CCDC91: variants seen among roughly 807,000 people sequenced by gnomAD.
The protein encoded by CCDC91 is coiled-coil domain containing 91.
CCDC91 carries 48 observed loss-of-function variants against 63.2 expected under a neutral mutation model. The observed-to-expected ratio is 0.76, with a 90% confidence interval of 0.60 to 0.97. CCDC91 has a LOEUF of 0.97. Among genes scored for constraint, CCDC91 ranks in the 50% least tolerant of loss-of-function variants. The pLI, the probability that CCDC91 is intolerant of heterozygous loss-of-function variation, is 0.00. For missense variants in CCDC91, 500 were observed against 494.6 expected, an observed-to-expected ratio of 1.01 and a Z score of -0.10; for synonymous variants, 167 against 165.8, an observed-to-expected ratio of 1.01 and a Z score of -0.06.
At chr12:28,237,263 CACAT>C (rs1450857634) in intron 1 of CCDC91, among the ~76,000 whole-genome samples, 34 of 151,570 alleles carry the variant, frequency 2.2e-4, no homozygotes, top group East Asian at 1.9e-4. Flanking sequence ...CACACACACA[CACAT>C]TTTTTAAAAA....
At chr12:28,203,030 T>C (rs1942581257) in intron 1 of CCDC91, among the ~76,000 whole-genome samples, 2 of 152,182 alleles carry the variant, frequency 1.3e-5, no homozygotes, top group African/African-American at 2.4e-5. Context: ...AGGTCAATAA[T>C]GACAATTTCT....
rs535810033 is a variant in CCDC91, at chr12:28,324,454, C to T, written c.576+16705C>T. On this transcript the variant is annotated intron_variant, in intron 6 of 12. Coordinates refer to ENST00000536442, the MANE Select transcript of CCDC91 (RefSeq NM_018318.5). ...TCTCTCAAATCATTAACATTCTTTCCCTCAGCAATGCCATTGCCCTAGCCT... is the reference window on the plus strand; with the variant it reads ...TCTCTCAAATCATTAACATTCTTTCTCTCAGCAATGCCATTGCCCTAGCCT... 9.2e-5 allele frequency among the ~76,000 whole-genome samples: 14 copies of T among 151,892 alleles called. No homozygotes were observed. In the South Asian group the frequency reaches 2.9e-3, roughly 32 times the overall value.
At chr12:28,382,122 C>T (rs1349740437) in intron 7 of CCDC91, among the ~76,000 whole-genome samples, 1 of 151,840 alleles carries the variant, frequency 6.6e-6, no homozygotes. Flanking sequence ...TCTAGTCTGC[C>T]TCAAAATTTA....
chr12:28,308,282 C>T (rs1195550215), intron 6 of CCDC91, among the ~76,000 whole-genome samples: 1 of 151,980 alleles, frequency 6.6e-6, no homozygotes, highest in Non-Finnish European at 1.5e-5. Context: ...TTCAGAATAT[C>T]CAGGTTTCAA....
At chr12:28,311,364 AGGG>A (rs1939302152) in intron 6 of CCDC91, among the ~76,000 whole-genome samples, 1 of 152,020 alleles carries the variant, frequency 6.6e-6, no homozygotes, top group Admixed American at 6.6e-5. Flanking sequence ...ACAGGAAAGG[AGGG>A]AGAGAGAGTC....
intron 7 of CCDC91, among the ~76,000 whole-genome samples, chr12:28,367,624 C>A (rs1944358464): frequency 6.6e-6 from 1 of 152,138 alleles, no homozygotes; most frequent in Non-Finnish European, 1.5e-5. Context: ...GATAATACTG[C>A]ATATTTCAGA....
intron 8 of CCDC91, among the ~76,000 whole-genome samples, chr12:28,427,820 A>T (rs1275521840): frequency 6.6e-6 from 1 of 152,184 alleles, no homozygotes; most frequent in Non-Finnish European, 1.5e-5. Context: ...TATGTGTCAG[A>T]GCTGAAACTA....
At chr12:28,237,192 C>T (rs997350003) in intron 1 of CCDC91, among the ~76,000 whole-genome samples, 7 of 150,046 alleles carry the variant, frequency 4.7e-5, no homozygotes, top group Non-Finnish European at 1.0e-4. Flanking sequence ...TTTAATTTCT[C>T]CCATCCATTT....
intron 8 of CCDC91, among the ~76,000 whole-genome samples, chr12:28,398,480 A>G (rs778242364): frequency 1.3e-5 from 2 of 152,216 alleles, no homozygotes; most frequent in Non-Finnish European, 1.5e-5. Context: ...AAATGTTTGC[A>G]TATAAACTGT....
In CCDC91 at chr12:28,212,518, A is replaced by G. The variant is rs546088390; in HGVS notation, c.-15+21877A>G. 6.6e-5 allele frequency among the ~76,000 whole-genome samples: 10 copies of G among 152,328 alleles called. No individual in the cohort carries two copies. The East Asian group carries it at 1.7e-3, about 26-fold the overall frequency. On this transcript the variant is annotated intron_variant, in intron 1 of 12. Coordinates refer to ENST00000536442, the MANE Select transcript of CCDC91 (RefSeq NM_018318.5). The stretch of plus-strand genomic sequence containing the variant: ...CAAGACTCAGCTCTTTTACAGGCGC[A>G]TACCCCTAAGTTAGGTTTTCAGTCT...
chr12:28,222,620 A>G (rs995726183), intron 1 of CCDC91, among the ~76,000 whole-genome samples: 1 of 152,196 alleles, frequency 6.6e-6, no homozygotes, highest in Admixed American at 6.5e-5. Context: ...TTACCATAGA[A>G]TGAATTTTGG....
chr12:28,414,172 T>C (rs918211614), intron 8 of CCDC91, among the ~76,000 whole-genome samples: 1 of 152,230 alleles, frequency 6.6e-6, no homozygotes, highest in Non-Finnish European at 1.5e-5. Flanking sequence ...TTTGTCTTTC[T>C]AAAATTTTTA....
At chr12:28,290,574 T>C (rs879847218) in intron 3 of CCDC91, among the ~76,000 whole-genome samples, 17 of 152,200 alleles carry the variant, frequency 1.1e-4, no homozygotes, top group Non-Finnish European at 2.9e-5. Flanking sequence ...TATGCAGACT[T>C]GTTTGTGTGG....
intron 3 of CCDC91, among the ~76,000 whole-genome samples, chr12:28,281,115 G>T (rs1948585973): frequency 6.6e-6 from 1 of 151,938 alleles, no homozygotes; most frequent in Non-Finnish European, 1.5e-5. Context: ...TTGATATTTG[G>T]CAGTAGTCTA....
At chr12:28,204,949 T>A (rs922295151) in intron 1 of CCDC91, among the ~76,000 whole-genome samples, 17 of 152,202 alleles carry the variant, frequency 1.1e-4, no homozygotes, top group African/African-American at 2.9e-4. Flanking sequence ...TTAACATTTT[T>A]AAGATTTATT....
intron 3 of CCDC91, among the ~76,000 whole-genome samples, chr12:28,268,273 C>T (rs925918595): frequency 6.6e-6 from 1 of 151,680 alleles, no homozygotes; most frequent in African/African-American, 2.4e-5. Context: ...CCATGTCAGC[C>T]AGGATAGTCT....
At position 28,312,686 on chromosome 12, in the gene CCDC91, A is replaced by G. The variant is rs146037923; in HGVS notation, c.576+4937A>G. Among the ~76,000 whole-genome samples the G allele has an allele frequency of 8.4e-4, 128 of 152,192 alleles. 3 individuals are homozygous for G. Among genetic ancestry groups the G allele is most frequent in the African/African-American group, 3.0e-3 (123 of 41,564 alleles). On this transcript the variant is annotated intron_variant, in intron 6 of 12. Transcript: ENST00000536442. ...CCACTCAAATCTTATCTTGAATTGT[A>G]GTTTTCATAATTCCCACATGTTGTG...
intron 3 of CCDC91, among the ~76,000 whole-genome samples, chr12:28,270,975 G>T (rs755804424): frequency 1.3e-5 from 2 of 152,088 alleles, no homozygotes; most frequent in Non-Finnish European, 1.5e-5. Context: ...AAGGTACACC[G>T]AAATTAAATA....
intron 8 of CCDC91, among the ~76,000 whole-genome samples, chr12:28,392,086 T>C (rs1306153818): frequency 6.6e-6 from 1 of 152,176 alleles, no homozygotes; most frequent in African/African-American, 2.4e-5. Context: ...ATGGAGATTA[T>C]AAATATACCA....
Sources: allele counts gnomAD v4.1 joint callset (sites outside exome capture counted in the v4.1 genomes callset), GRCh38; gene constraint gnomAD v4.1.1; transcripts MANE v1.5; gene names NCBI Gene and HGNC (gene_info 2026-07-23, HGNC 2026-07-21).